The following ABTB2 variants were observed in gnomAD, a reference collection of about 807,000 sequenced individuals.
The protein encoded by ABTB2 is ankyrin repeat and BTB/POZ domain-containing protein 2.
Under a neutral mutation model 104.1 loss-of-function variants are expected in ABTB2, and 56 were observed. That is an observed-to-expected ratio of 0.54 (90% CI 0.43 to 0.67). The LOEUF (loss-of-function observed/expected upper bound fraction) is 0.67, where lower values mean the gene tolerates loss of function less well. Ranked by LOEUF, ABTB2 falls within the 30% of genes least tolerant of loss-of-function variation. ABTB2 has a pLI of 0.00. For synonymous variants in ABTB2, 606 were observed against 608.2 expected (o/e 1.00, Z 0.05); for missense variants, 1,279 against 1,407.7 (o/e 0.91, Z 1.46).
chr11:34,193,428 G>C (rs1853207752), intron 3 of ABTB2, among the ~76,000 whole-genome samples: 1 of 152,238 alleles, frequency 6.6e-6, no homozygotes, highest in Non-Finnish European at 1.5e-5. Context: ...GGCCCACCCA[G>C]CATGCCTCAG....
chr11:34,322,118 T>C (rs1325281032), intron 1 of ABTB2, among the ~76,000 whole-genome samples: 1 of 152,144 alleles, frequency 6.6e-6, no homozygotes, highest in East Asian at 1.9e-4. Flanking sequence ...AAGCTACATA[T>C]CTGGCCAGAA....
intron 1 of ABTB2, among the ~76,000 whole-genome samples, chr11:34,210,517 A>C (rs1853468428): frequency 6.6e-6 from 1 of 152,212 alleles, no homozygotes; most frequent in African/African-American, 2.4e-5. Flanking sequence ...GTGAAGCTTT[A>C]TCTGACCATT....
intron 1 of ABTB2, among the ~76,000 whole-genome samples, chr11:34,293,432 G>T (rs550495877): frequency 6.6e-6 from 1 of 152,122 alleles, no homozygotes; most frequent in Non-Finnish European, 1.5e-5. Flanking sequence ...TGAAGAAGAG[G>T]CCCCAGGGTG....
chr11:34,159,311 C>T lies in ABTB2; in HGVS notation c.2682G>A (p.Lys894=). 6.2e-7 allele frequency: 1 copy of T among 1,613,782 alleles called. No homozygotes were observed. Among genetic ancestry groups the T allele is most frequent in the South Asian group, 1.1e-5 (1 of 91,042 alleles). The change falls in exon 14 of 17, where the codon AAG becomes AAA. Residue 894 remains lysine (K), a synonymous_variant. Transcript: ENST00000435224. ...ACCCACACACCTGAAAAATGTGGTA[C>T]TTCATGTCGCTGATCTCGATGGTCT... ...SSKTIEISDM[K]YHIFQMMMQY... is the part of the protein sequence containing the mutation.
At chr11:34,352,586 G>A (rs1855411792) in intron 1 of ABTB2, among the ~76,000 whole-genome samples, 1 of 152,180 alleles carries the variant, frequency 6.6e-6, no homozygotes. Context: ...ATTGTTGAAT[G>A]AATTTACTAT....
intron 5 of ABTB2, among the ~76,000 whole-genome samples, chr11:34,168,354 CT>C (rs1852830318): frequency 6.6e-6 from 1 of 152,226 alleles, no homozygotes; most frequent in Non-Finnish European, 1.5e-5. Flanking sequence ...TCTTATCTCC[CT>C]CAAAGGGTTG....
At chr11:34,152,833 G>C (rs984930334) in intron 16 of ABTB2, among the ~76,000 whole-genome samples, 1 of 152,212 alleles carries the variant, frequency 6.6e-6, no homozygotes, top group Non-Finnish European at 1.5e-5. Flanking sequence ...TGTTGGGTTG[G>C]AAGTTCCCTT....
intron 1 of ABTB2, among the ~76,000 whole-genome samples, chr11:34,266,596 C>T (rs1854253932): frequency 6.6e-6 from 1 of 152,218 alleles, no homozygotes; most frequent in Admixed American, 6.5e-5. Context: ...AAAACCACAA[C>T]ATCTCCTCTC....
At chr11:34,208,413 C>T (rs1371392295) in intron 1 of ABTB2, among the ~76,000 whole-genome samples, 3 of 152,110 alleles carry the variant, frequency 2.0e-5, no homozygotes, top group Non-Finnish European at 2.9e-5. Context: ...GTAAAAGCCA[C>T]GGAGGGAACC....
intron 1 of ABTB2, among the ~76,000 whole-genome samples, chr11:34,271,361 GC>G (rs1854312035): frequency 6.6e-6 from 1 of 152,166 alleles, no homozygotes; most frequent in Admixed American, 6.5e-5. Context: ...AAGGTGCCTG[GC>G]TTGGGTCCAA....
In ABTB2 at chr11:34,204,609, T is replaced by G. The variant is rs777153229; in HGVS notation, c.965A>C (p.Gln322Pro). The change falls in exon 2 of 17, where the codon CAG becomes CCG. Residue 322 changes from glutamine to proline, a missense_variant. Coordinates refer to ENST00000435224, the MANE Select transcript of ABTB2 (RefSeq NM_145804.3). ...GHDERADAYA[Q>P]LELRTLEQSL... is the part of the protein sequence containing the mutation. ...CTGCTCCAGGGTTCGGAGCTCCAGC[T>G]GGGCATAGGCATCGGCTCGCTCGTC... is the stretch of plus-strand genomic sequence containing the variant. 3 of 1,613,686 alleles carry G rather than the reference T, an allele frequency of 1.9e-6. No homozygotes were observed. Among genetic ancestry groups the G allele is most frequent in the Non-Finnish European group, 2.5e-6 (3 of 1,179,976 alleles).
In ABTB2 at chr11:34,357,258, C is replaced by A. The variant is rs1276024070; in HGVS notation, c.326G>T (p.Arg109Leu). ...CAGCCGCCGGCCGCCAGCGCCTTTG[C>A]GGAGCACCCGGGCCACGTCTCCTTC... ...WTEGDVARVL[R>L]KGAGGRRLPQ... Residue 109 changes from arginine (R) to leucine (L), a missense_variant, in exon 1 of 17, where the codon CGC (arginine) becomes CTC (leucine). Coordinates refer to ENST00000435224, the MANE Select transcript of ABTB2 (RefSeq NM_145804.3). 4 of 1,495,054 alleles carry A rather than the reference C, an allele frequency of 2.7e-6. No individual in the cohort carries two copies. In the East Asian group the frequency reaches 7.6e-5, roughly 28 times the overall value. The allele number at this position is 1,495,054 out of a possible 1,614,324, so 92.6% of individuals were successfully genotyped here.
intron 3 of ABTB2, 25 bp downstream of exon 3, chr11:34,197,300 T>G (rs1253278890): frequency 2.5e-6 from 4 of 1,611,694 alleles, no homozygotes; most frequent in African/African-American, 1.3e-5. Context: ...TCCCACCAGG[T>G]GCTCAGCCCA....
chr11:34,247,157 C>A (rs1246385237), intron 1 of ABTB2, among the ~76,000 whole-genome samples: 3 of 152,204 alleles, frequency 2.0e-5, no homozygotes, highest in Admixed American at 6.5e-5. Context: ...CCCAGAAGTT[C>A]CATTTCTTAA....
At chr11:34,342,487 G>A (rs749190562) in intron 1 of ABTB2, among the ~76,000 whole-genome samples, 2 of 152,204 alleles carry the variant, frequency 1.3e-5, no homozygotes, top group African/African-American at 4.8e-5. Flanking sequence ...GGGCAAATGA[G>A]GACTTCAGAG....
chr11:34,319,411 A>G (rs1474622069), intron 1 of ABTB2, among the ~76,000 whole-genome samples: 2 of 152,234 alleles, frequency 1.3e-5, no homozygotes, highest in African/African-American at 4.8e-5. Context: ...GTATCTAGGC[A>G]GCAGGGGAGG....
In ABTB2 at chr11:34,327,236, A is replaced by G. The variant is rs566955774; in HGVS notation, c.883+29465T>C. On this transcript the variant is annotated intron_variant, in intron 1 of 16. Coordinates refer to ENST00000435224, the MANE Select transcript of ABTB2 (RefSeq NM_145804.3). ...TGGAAAAACATTACGCAAACGTATCAAAAGAAAGCTGGAGTGGCTCTAATA... is the reference window on the plus strand; with the variant it reads ...TGGAAAAACATTACGCAAACGTATCGAAAGAAAGCTGGAGTGGCTCTAATA... 1.5e-3 allele frequency among the ~76,000 whole-genome samples: 228 copies of G among 152,378 alleles called. 1 individual carries two copies. Among genetic ancestry groups the G allele is most frequent in the Non-Finnish European group, 2.3e-3 (155 of 68,044 alleles).
intron 1 of ABTB2, among the ~76,000 whole-genome samples, chr11:34,338,402 A>C (rs1375817642): frequency 3.3e-5 from 5 of 151,374 alleles, no homozygotes; most frequent in Non-Finnish European, 7.4e-5. Flanking sequence ...GAAAAAAAAA[A>C]TACAGATGTT....
chr11:34,172,218 C>A (rs1473801399), intron 4 of ABTB2, among the ~76,000 whole-genome samples: 1 of 151,248 alleles, frequency 6.6e-6, no homozygotes, highest in African/African-American at 2.4e-5. Flanking sequence ...ACTAAAAATA[C>A]AAAACTACCC....
Sources: gnomAD v4.1 joint callset for allele counts (sites outside exome capture counted in the v4.1 genomes callset) on GRCh38, gnomAD v4.1.1 for gene constraint, MANE v1.5 for transcripts, NCBI Gene and HGNC (gene_info 2026-07-23, HGNC 2026-07-21) for gene names.